COL4A3: variants seen among roughly 807,000 people sequenced by gnomAD.
COL4A3 encodes the protein collagen alpha-3(IV) chain.
In COL4A3, 135 loss-of-function variants were observed where a neutral mutation model predicts 217.4. The observed-to-expected ratio is 0.62, with a 90% confidence interval of 0.54 to 0.72. The LOEUF (loss-of-function observed/expected upper bound fraction) is 0.72, where lower values mean the gene tolerates loss of function less well. Among genes scored for constraint, COL4A3 ranks in the 30% least tolerant of loss-of-function variants. COL4A3 has a pLI of 0.00. For synonymous variants in COL4A3, 690 were observed against 736.3 expected (o/e 0.94, Z 1.02); for missense variants, 1,868 against 2,119.9 (o/e 0.88, Z 2.33).
intron 41 of COL4A3, 63 bp downstream of exon 41, chr2:227,295,379 T>C: frequency 7.2e-7 from 1 of 1,398,120 alleles, no homozygotes; most frequent in South Asian, 1.2e-5. Flanking sequence ...CAGTTGAATA[T>C]GCTTGAAATA....
chr2:227,279,057 G>C (rs530063831), intron 28 of COL4A3, among the ~76,000 whole-genome samples: 3 of 151,072 alleles, frequency 2.0e-5, no homozygotes, highest in African/African-American at 7.3e-5. Context: ...AGGCTACCTG[G>C]GGTGCTGAAA....
intron 1 of COL4A3, among the ~76,000 whole-genome samples, chr2:227,227,564 C>T (rs541022297): frequency 6.6e-6 from 1 of 152,218 alleles, no homozygotes; most frequent in African/African-American, 2.4e-5. Flanking sequence ...CAACACTGCA[C>T]CTGAGAATAT....
chr2:227,298,238 G>A (rs1172043275), intron 42 of COL4A3, among the ~76,000 whole-genome samples: 1 of 152,134 alleles, frequency 6.6e-6, no homozygotes, highest in Non-Finnish European at 1.5e-5. Context: ...TGTAATACCG[G>A]CAACTCAGGA....
At chr2:227,276,939 T>A (rs897293110) in intron 27 of COL4A3, among the ~76,000 whole-genome samples, 2 of 152,192 alleles carry the variant, frequency 1.3e-5, no homozygotes, top group Non-Finnish European at 2.9e-5. Flanking sequence ...GGAATTAAAT[T>A]ATATTGACAA....
At chr2:227,239,551 C>A (rs919205251) in intron 2 of COL4A3, among the ~76,000 whole-genome samples, 2 of 152,178 alleles carry the variant, frequency 1.3e-5, no homozygotes, top group African/African-American at 4.8e-5. Flanking sequence ...TAGGTACTTT[C>A]CCCTAATATT....
At chr2:227,290,220 G>A (rs183265372) in intron 36 of COL4A3, 132 bp downstream of exon 36, 91 of 827,128 alleles carry the variant, frequency 1.1e-4, no homozygotes, top group African/African-American at 5.4e-4. Flanking sequence ...TTGCGGGGCC[G>A]GGCACGGTGG....
At position 227,240,876 on chromosome 2, in the gene COL4A3, A is replaced by C. The variant is rs936412282; in HGVS notation, c.234+644A>C. On this transcript the variant is annotated intron_variant, in intron 3 of 51. Coordinates refer to ENST00000396578, the MANE Select transcript of COL4A3 (RefSeq NM_000091.5). ...CTCCTCTGAAAACACTCCAGCAAAG[A>C]TCACCAATGACCTTCAAGTGGCCAA... Among the ~76,000 whole-genome samples the C allele has an allele frequency of 3.3e-5, 5 of 152,322 alleles. No individual in the cohort carries two copies. The South Asian group carries it at 1.0e-3, about 32-fold the overall frequency.
At chr2:227,177,017 A>T (rs529982357) in intron 1 of COL4A3, among the ~76,000 whole-genome samples, 1 of 152,336 alleles carries the variant, frequency 6.6e-6, no homozygotes, top group African/African-American at 2.4e-5. Flanking sequence ...AACTATTTAT[A>T]ATCATATTAC....
chr2:227,231,087 T>C (rs1183202417), intron 1 of COL4A3, among the ~76,000 whole-genome samples: 2 of 152,168 alleles, frequency 1.3e-5, no homozygotes, highest in African/African-American at 2.4e-5. Flanking sequence ...AACACAGCTC[T>C]AGACCTGGCT....
At chr2:227,238,653 A>T (rs996429045) in intron 2 of COL4A3, among the ~76,000 whole-genome samples, 1 of 152,164 alleles carries the variant, frequency 6.6e-6, no homozygotes, top group Non-Finnish European at 1.5e-5. Context: ...CAGAGACACT[A>T]ATTAATTGTT....
chr2:227,283,844 C>A lies in COL4A3; in HGVS notation c.2734C>A (p.Pro912Thr). 1 of 1,613,440 alleles carries A rather than the reference C, an allele frequency of 6.2e-7. No individual in the cohort carries two copies. Among genetic ancestry groups the A allele is most frequent in the Non-Finnish European group, 8.5e-7 (1 of 1,179,446 alleles). Residue 912 changes from proline (P) to threonine (T), a missense_variant, in exon 33 of 52, where the codon CCA becomes ACA. By Grantham distance (38) the Pro-to-Thr change is conservative (BLOSUM62 -1). Coordinates refer to ENST00000396578, the MANE Select transcript of COL4A3 (RefSeq NM_000091.5). ...AGGGCCCCCTGGGAACCCAGGCACA[C>A]CAGGGCAGAGGGGTAAGTGATAGAG... ...PPGPPGNPGTPGQRGSPGIPG... is the reference protein window; with the variant it reads ...PPGPPGNPGTTGQRGSPGIPG...
At position 227,270,972 on chromosome 2, in the gene COL4A3, A is replaced by G; in HGVS notation, c.1758+20A>G. The stretch of plus-strand genomic sequence containing the variant: ...GAACTGGTTGGTATTTAGCAACTTT[A>G]CCCTCCCTATAAATGAAGTACTCTG... On this transcript the variant is annotated intron_variant, in intron 25 of 51. Transcript: ENST00000396578. The G allele has an allele frequency of 1.2e-6, 2 of 1,612,466 alleles. No individual in the cohort carries two copies. Among genetic ancestry groups the G allele is most frequent in the Non-Finnish European group, 1.7e-6 (2 of 1,178,584 alleles).
intron 1 of COL4A3, among the ~76,000 whole-genome samples, chr2:227,214,391 G>C (rs942483435): frequency 6.6e-6 from 1 of 152,140 alleles, no homozygotes; most frequent in Non-Finnish European, 1.5e-5. Context: ...GTTATATATA[G>C]AGAAGCCTTC....
intron 1 of COL4A3, among the ~76,000 whole-genome samples, chr2:227,190,284 C>T (rs917720412): frequency 3.9e-5 from 6 of 152,330 alleles, no homozygotes; most frequent in East Asian, 3.9e-4. Context: ...GCCATCTTGG[C>T]GTGCCTGCTC....
rs2069946517 is a variant in COL4A3 at position 227,253,694 on chromosome 2, C to CT, written c.765+58dup. 1 of 1,383,952 alleles carries CT rather than the reference C, an allele frequency of 7.2e-7. No homozygotes were observed. The highest frequency in any genetic ancestry group is 1.0e-6 in the Non-Finnish European group (1 of 970,222). 85.7% of individuals were successfully genotyped at this position (1,383,952 alleles called of 1,614,324 possible). A position where few individuals can be genotyped will look rare whatever the true frequency, so the allele number is the denominator to read the frequency against. ...GCCTTCCCGTGTCTAGGATGAAGTC[C>CT]TTGTGACCCTGCACCTCTTTTACAA... On this transcript the variant is annotated intron_variant, in intron 13 of 51. Transcript: ENST00000396578. This position sits in a 1 kb window ranked among gnomAD's most constrained non-coding sequence, Gnocchi z 4.4.
At position 227,290,890 on chromosome 2, in the gene COL4A3, T is replaced by C. The variant is rs759381214; in HGVS notation, c.3210+4T>C. ...GCCAGGACCACCGGGACCAACGGTATATAGGCCACTGAAATATTTACATTT... is the reference window on the plus strand; with the variant it reads ...GCCAGGACCACCGGGACCAACGGTACATAGGCCACTGAAATATTTACATTT... On this transcript the variant is annotated splice_donor_region_variant and intron_variant, in intron 37 of 51. Transcript: ENST00000396578. 5.6e-6 allele frequency: 9 copies of C among 1,610,038 alleles called. No homozygotes were observed. The East Asian group carries it at 2.0e-4, about 36-fold the overall frequency.
At chr2:227,223,233 G>C (rs2125829732) in intron 1 of COL4A3, among the ~76,000 whole-genome samples, 1 of 152,166 alleles carries the variant, frequency 6.6e-6, no homozygotes, top group African/African-American at 2.4e-5. Context: ...GATCTCGAGG[G>C]GAAAAGTATG....
chr2:227,209,045 A>C (rs1364387278), intron 1 of COL4A3, among the ~76,000 whole-genome samples: 3 of 152,238 alleles, frequency 2.0e-5, no homozygotes, highest in East Asian at 3.8e-4. Flanking sequence ...CATTACAAAC[A>C]AACTTTTGGA....
intron 1 of COL4A3, among the ~76,000 whole-genome samples, chr2:227,167,808 A>G (rs1310669528): frequency 1.3e-5 from 2 of 152,194 alleles, no homozygotes; most frequent in African/African-American, 4.8e-5. Flanking sequence ...TAGGAAAAAA[A>G]AAATCTGAAT....
Sources: gnomAD v4.1 joint callset for allele counts (sites outside exome capture counted in the v4.1 genomes callset) on GRCh38, gnomAD v4.1.1 for gene constraint, Gnocchi (gnomAD v3.1) non-coding constraint, MANE v1.5 for transcripts, NCBI Gene and HGNC (gene_info 2026-07-23, HGNC 2026-07-21) for gene names.